GARNL3: variants seen among roughly 807,000 people sequenced by gnomAD.
The protein encoded by GARNL3 is GTPase-activating Rap/Ran-GAP domain-like protein 3.
GARNL3 carries 63 observed loss-of-function variants against 125.0 expected under a neutral mutation model. The ratio of observed to expected loss-of-function variants is 0.50; its 90% confidence interval spans 0.41 to 0.62. The LOEUF is 0.62. Ranked by LOEUF, GARNL3 falls within the 20% of genes least tolerant of loss-of-function variation. GARNL3 has a pLI of 0.00. For synonymous variants in GARNL3, 439 were observed against 457.5 expected (o/e 0.96, Z 0.52); for missense variants, 994 against 1,244.0 (o/e 0.80, Z 3.02).
At position 127,392,026 on chromosome 9, in the gene GARNL3, A is replaced by G. The variant is rs753453457; in HGVS notation, c.2871-1057A>G. Among the ~76,000 whole-genome samples the G allele has an allele frequency of 6.6e-5, 10 of 152,208 alleles. No homozygotes were observed. The highest frequency in any genetic ancestry group is 2.6e-4 in the Admixed American group (4 of 15,282). ...GACTAAGCCCCCACCTGTGCCTTCAAGGGGTTCCCAGGCCAGTGGCAAAGA... is the reference window on the plus strand; with the variant it reads ...GACTAAGCCCCCACCTGTGCCTTCAGGGGGTTCCCAGGCCAGTGGCAAAGA... On this transcript the variant is annotated intron_variant, in intron 27 of 27. Transcript: ENST00000373387. This position sits in a 1 kb window ranked among gnomAD's most constrained non-coding sequence, Gnocchi z 5.2.
Position 127,323,335 on chromosome 9 carries a change from T to C in GARNL3, c.568-1734T>C, listed in dbSNP as rs542837364. 3.9e-5 allele frequency among the ~76,000 whole-genome samples: 6 copies of C among 152,340 alleles called. No individual in the cohort carries two copies. The South Asian group carries it at 1.2e-3, about 32-fold the overall frequency. ...CAAACCAGGGCAAATTGCAGGACTATTCGCTTCTGAACAAATGTAATCCAA... is the reference window on the plus strand; with the variant it reads ...CAAACCAGGGCAAATTGCAGGACTACTCGCTTCTGAACAAATGTAATCCAA... On this transcript the variant is annotated intron_variant, in intron 6 of 27. Coordinates refer to ENST00000373387, the MANE Select transcript of GARNL3 (RefSeq NM_032293.5).
intron 19 of GARNL3, 51 bp from the exon 20 acceptor site, chr9:127,355,246 G>C: frequency 1.3e-6 from 2 of 1,520,452 alleles, no homozygotes; most frequent in Non-Finnish European, 1.8e-6. Context: ...AGGTCTGGGG[G>C]CTTCCACACC....
At chr9:127,332,882 A>T (rs1434001380) in intron 8 of GARNL3, 141 bp from the exon 9 acceptor site, 2 of 659,064 alleles carry the variant, frequency 3.0e-6, no homozygotes, top group Non-Finnish European at 5.5e-6. Context: ...GCTCAAGAAG[A>T]AGGAAATGTG....
In GARNL3 at chr9:127,232,025, T is replaced by C. The variant is rs143870437; in HGVS notation, c.-29+7687T>C. The stretch of plus-strand genomic sequence containing the variant: ...CAACCTTTGTAGTTGATCATTTGGC[T>C]TCTGTTTCTTACATCTAAGGTCCAG... On this transcript the variant is annotated intron_variant, in intron 1 of 10. Transcript: ENST00000439286. Among the ~76,000 whole-genome samples, 16 of 152,336 alleles carry C rather than the reference T, an allele frequency of 1.1e-4. No individual in the cohort carries two copies. In the East Asian group the frequency reaches 2.9e-3, roughly 28 times the overall value.
chr9:127,286,867 C>T (rs1411547548), intron 1 of GARNL3, among the ~76,000 whole-genome samples: 1 of 152,136 alleles, frequency 6.6e-6, no homozygotes, highest in South Asian at 2.1e-4. Flanking sequence ...TGGCTTAGAA[C>T]GTCACAGTGC....
At position 127,313,347 on chromosome 9, in the gene GARNL3, G is replaced by A. The variant is rs139225381; in HGVS notation, c.320-94G>A. The stretch of plus-strand genomic sequence containing the variant: ...TTTGGGATTATTGTTCCCTGAGCAT[G>A]TGGGAAGGGCTGGACACCACCTGCA... On this transcript the variant is annotated intron_variant, in intron 3 of 27. Coordinates refer to ENST00000373387, the MANE Select transcript of GARNL3 (RefSeq NM_032293.5). The A allele has an allele frequency of 7.7e-4, 654 of 854,870 alleles. 4 individuals carry two copies. In the African/African-American group the frequency reaches 0.01, roughly 13 times the overall value. 53.0% of individuals were successfully genotyped at this position (854,870 alleles called of 1,614,324 possible). A position where few individuals can be genotyped will look rare whatever the true frequency, so the allele number is the denominator to read the frequency against.
intron 2 of GARNL3, among the ~76,000 whole-genome samples, chr9:127,293,826 T>G (rs186971743): frequency 8.6e-4 from 131 of 152,310 alleles, no homozygotes; most frequent in African/African-American, 3.0e-3. Context: ...TAGGGAGGAC[T>G]TATGTTTGCT....
intron 2 of GARNL3, among the ~76,000 whole-genome samples, chr9:127,308,793 G>A (rs371925239): frequency 2.6e-5 from 4 of 152,282 alleles, no homozygotes; most frequent in Middle Eastern, 3.4e-3. Context: ...CTACTCTTGC[G>A]AAATACACAC....
intron 1 of GARNL3, among the ~76,000 whole-genome samples, chr9:127,225,028 G>T: frequency 6.8e-6 from 1 of 147,162 alleles, no homozygotes; most frequent in Non-Finnish European, 1.5e-5. Flanking sequence ...CAGGCTGAGC[G>T]GGCGCGGGGC....
rs1832688534 is a variant in GARNL3, at chr9:127,388,927, T to C, written c.2551T>C (p.Tyr851His). Residue 851 changes from tyrosine (Y) to histidine (H), a missense_variant, in exon 26 of 28, where the codon TAC becomes CAC. Tyr to His is a moderately conservative substitution (Grantham distance 83). Coordinates refer to ENST00000373387, the MANE Select transcript of GARNL3 (RefSeq NM_032293.5). ...GEGEIQSKNLYKIPLRNLVGR... is the reference protein window; with the variant it reads ...GEGEIQSKNLHKIPLRNLVGR... ...AGGTGAAATTCAATCAAAAAATCTG[T>C]ACAAGATTCCACTTAGAAACCTCGT... 1 of 1,609,660 alleles carries C rather than the reference T, an allele frequency of 6.2e-7. No individual in the cohort carries two copies. The highest frequency in any genetic ancestry group is 1.3e-5 in the African/African-American group (1 of 74,844).
At chr9:127,338,026 G>A (rs3802370) in intron 11 of GARNL3, 90 bp from the exon 12 acceptor site, 269,680 of 968,408 alleles carry the variant, frequency 0.28, 40,444 homozygotes, top group Middle Eastern at 0.35. Flanking sequence ...AGCGCTGGTC[G>A]AGAATGACTC....
chr9:127,272,378 G>A (rs1486013539), intron 1 of GARNL3, among the ~76,000 whole-genome samples: 1 of 149,882 alleles, frequency 6.7e-6, no homozygotes, highest in East Asian at 1.9e-4. Flanking sequence ...ATTTCCCTCA[G>A]GAACATCAAA....
intron 27 of GARNL3, among the ~76,000 whole-genome samples, chr9:127,391,524 C>CAAAAAAAAA (rs763160611): frequency 1.4e-5 from 1 of 70,442 alleles, no homozygotes; most frequent in East Asian, 4.4e-4. Context: ...CCCATCTCTA[C>CAAAAAAAAA]AAAAAAAAAA....
chr9:127,356,136 A>T (rs747220164), intron 20 of GARNL3, among the ~76,000 whole-genome samples: 1 of 152,238 alleles, frequency 6.6e-6, no homozygotes, highest in Non-Finnish European at 1.5e-5. Flanking sequence ...AACCACTGGA[A>T]GGTTTGAAGC....
intron 21 of GARNL3, chr9:127,363,340 T>G (rs894783574): frequency 1.3e-5 from 2 of 152,276 alleles, no homozygotes; most frequent in African/African-American, 4.8e-5. Context: ...TTATACCTTG[T>G]TTTATGTACT....
At chr9:127,355,946 T>C (rs554149779) in intron 20 of GARNL3, among the ~76,000 whole-genome samples, 2 of 151,966 alleles carry the variant, frequency 1.3e-5, no homozygotes, top group Non-Finnish European at 2.9e-5. Context: ...GTGATGAGGG[T>C]ATCTAGGGAA....
chr9:127,331,720 C>CTTGCTTTTTTTTTTTTTTTTTTTTTTT (rs367597623), intron 7 of GARNL3, among the ~76,000 whole-genome samples: 19 of 74,406 alleles, frequency 2.6e-4, no homozygotes, highest in African/African-American at 9.1e-4. Flanking sequence ...CTTGGGCTTG[C>CTTGCTTTTTTTTTTTTTTTTTTTTTTT]TTTTTTTTTT....
At chr9:127,357,626 C>T (rs575339860) in intron 21 of GARNL3, among the ~76,000 whole-genome samples, 163 of 152,230 alleles carry the variant, frequency 1.1e-3, no homozygotes, top group African/African-American at 3.8e-3. Context: ...CCTTGCCATT[C>T]CATCCTTCCG....
In GARNL3 at chr9:127,385,183, G is replaced by C. The variant is rs1832479120; in HGVS notation, c.2388+38G>C. ...GGGATTTTATCTCTGAGTGGTTTGG[G>C]GGACCCCGGCACTGTGGGATTTCAG... On this transcript the variant is annotated intron_variant, in intron 24 of 27. Transcript: ENST00000373387. The surrounding 1 kb of genome is among the most constrained non-coding windows in gnomAD (Gnocchi z 4.1). The C allele has an allele frequency of 1.5e-6, 2 of 1,341,990 alleles. No homozygotes were observed. The highest frequency in any genetic ancestry group is 2.0e-4 in the Middle Eastern group (1 of 5,110). 83.1% of individuals were successfully genotyped at this position (1,341,990 alleles called of 1,614,324 possible). A position where few individuals can be genotyped will look rare whatever the true frequency, so the allele number is the denominator to read the frequency against.
Sources: allele counts gnomAD v4.1 joint callset (sites outside exome capture counted in the v4.1 genomes callset), GRCh38; gene constraint gnomAD v4.1.1; non-coding constraint Gnocchi (gnomAD v3.1); transcripts MANE v1.5; gene names NCBI Gene and HGNC (gene_info 2026-07-23, HGNC 2026-07-21).